The following CCDC13 variants were observed in gnomAD, a reference collection of about 807,000 sequenced individuals.
The protein encoded by CCDC13 is coiled-coil domain containing 13.
CCDC13 carries 70 observed loss-of-function variants against 87.3 expected under a neutral mutation model. The ratio of observed to expected loss-of-function variants is 0.80; its 90% confidence interval spans 0.66 to 0.98. CCDC13 has a LOEUF of 0.98. Among genes scored for constraint, CCDC13 ranks in the 50% least tolerant of loss-of-function variants. CCDC13 has a pLI of 0.00. For missense variants in CCDC13, 842 were observed against 892.0 expected (o/e 0.94, Z 0.71); for synonymous variants, 317 against 360.3 (o/e 0.88, Z 1.36).
chr3:42,728,277 G>A (rs1320813272), intron 13 of CCDC13, among the ~76,000 whole-genome samples: 5 of 152,134 alleles, frequency 3.3e-5, no homozygotes, highest in African/African-American at 1.2e-4. Flanking sequence ...AGAGCACCCT[G>A]GGATGCTGGG....
intron 13 of CCDC13, among the ~76,000 whole-genome samples, chr3:42,723,941 C>T (rs1051740156): frequency 2.6e-5 from 4 of 152,024 alleles, no homozygotes; most frequent in Non-Finnish European, 5.9e-5. Context: ...ACTATATGAT[C>T]TAATTAAAAA....
chr3:42,721,018 G>C (rs544487213), intron 13 of CCDC13, among the ~76,000 whole-genome samples: 1 of 152,056 alleles, frequency 6.6e-6, no homozygotes, highest in African/African-American at 2.4e-5. Context: ...TGGCTTATCG[G>C]GTATAAAAAT....
intron 9 of CCDC13, among the ~76,000 whole-genome samples, chr3:42,738,213 A>G (rs1170782833): frequency 1.3e-5 from 2 of 150,444 alleles, no homozygotes. Flanking sequence ...CAAAGATCAG[A>G]TGGTTGTAGA....
intron 14 of CCDC13, among the ~76,000 whole-genome samples, chr3:42,711,054 C>T (rs1177910398): frequency 2.6e-5 from 4 of 151,510 alleles, no homozygotes; most frequent in East Asian, 1.9e-4. Flanking sequence ...AAGACCAGCC[C>T]GGCCAACATG....
chr3:42,748,495 G>T (rs58188983), intron 5 of CCDC13, among the ~76,000 whole-genome samples: 5,770 of 152,302 alleles, frequency 0.038, 297 homozygotes, highest in East Asian at 0.18. Context: ...AGCAGGGCTG[G>T]TACTACAGTG....
intron 14 of CCDC13, 131 bp downstream of exon 14, chr3:42,713,031 A>G: frequency 2.9e-6 from 3 of 1,044,650 alleles, no homozygotes; most frequent in Non-Finnish European, 4.1e-6. Flanking sequence ...AGGCAGGCAG[A>G]GCTCCACCCT....
intron 7 of CCDC13, among the ~76,000 whole-genome samples, chr3:42,743,987 C>T (rs540787710): frequency 1.1e-4 from 16 of 152,128 alleles, no homozygotes; most frequent in Non-Finnish European, 2.2e-4. Flanking sequence ...CACTGCCCTG[C>T]GTAACACTGT....
At chr3:42,747,903 G>C (rs1559654844) in intron 5 of CCDC13, among the ~76,000 whole-genome samples, 1 of 152,214 alleles carries the variant, frequency 6.6e-6, no homozygotes, top group Non-Finnish European at 1.5e-5. Context: ...GCCTCTCCCA[G>C]AATCGTCAGC....
chr3:42,742,640 G>A (rs545358533), intron 8 of CCDC13, among the ~76,000 whole-genome samples: 1 of 152,188 alleles, frequency 6.6e-6, no homozygotes, highest in Non-Finnish European at 1.5e-5. Context: ...AGAATTTCAG[G>A]TATAGCACCT....
intron 7 of CCDC13, among the ~76,000 whole-genome samples, chr3:42,743,716 T>C (rs996732569): frequency 1.1e-4 from 17 of 151,056 alleles, no homozygotes; most frequent in African/African-American, 4.2e-4. Flanking sequence ...CCCAGGCTGG[T>C]CTTGAACTTG....
intron 12 of CCDC13, among the ~76,000 whole-genome samples, chr3:42,731,864 TAGTA>T (rs1186124393): frequency 6.6e-6 from 1 of 152,162 alleles, no homozygotes; most frequent in Non-Finnish European, 1.5e-5. Context: ...TGGTCGAGTT[TAGTA>T]AGTATTTGTG....
rs766041353 is a variant in CCDC13 at position 42,758,218 on chromosome 3, C to G, written c.128G>C (p.Arg43Thr). ...CAAGGGCTCCTCTTGGTCGTCAGCT[C>G]TGCTTTTGAGGCTCAGTTCTTTTTC... ...KREKELSLKS[R>T]ADDQEEPLEV... Residue 43 changes from arginine (R) to threonine (T), a missense_variant, in exon 2 of 16, where the codon AGA becomes ACA. Physicochemically the swap from Arg to Thr is moderately conservative, Grantham distance 71 (BLOSUM62 -1). Coordinates refer to ENST00000310232, the MANE Select transcript of CCDC13 (RefSeq NM_144719.4). The G allele has an allele frequency of 1.2e-6, 2 of 1,614,096 alleles. No homozygotes were observed. Among genetic ancestry groups the G allele is most frequent in the East Asian group, 4.5e-5 (2 of 44,874 alleles).
At chr3:42,709,607 G>A in intron 15 of CCDC13, 77 bp downstream of exon 15, 1 of 1,167,546 alleles carries the variant, frequency 8.6e-7, no homozygotes, top group Non-Finnish European at 1.3e-6. Context: ...CAAGGGGAGG[G>A]ACACAGTCCC....
chr3:42,752,792 C>G, intron 3 of CCDC13, 75 bp from the exon 4 acceptor site: 4 of 1,555,022 alleles, frequency 2.6e-6, no homozygotes, highest in Non-Finnish European at 3.5e-6. Flanking sequence ...CCACTAACAG[C>G]ACCAGGGTCT....
At chr3:42,763,854 C>T (rs1699882562) in intron 1 of CCDC13, among the ~76,000 whole-genome samples, 1 of 152,208 alleles carries the variant, frequency 6.6e-6, no homozygotes, top group Admixed American at 6.5e-5. Context: ...GCCTGTGACA[C>T]AGCCCTCAGG....
chr3:42,758,828 A>C (rs1033769989), intron 1 of CCDC13, among the ~76,000 whole-genome samples: 1 of 152,110 alleles, frequency 6.6e-6, no homozygotes, highest in Non-Finnish European at 1.5e-5. Context: ...CGGCTCAGTG[A>C]ATCTTTCCAT....
intron 4 of CCDC13, 140 bp downstream of exon 4, chr3:42,752,435 C>T: frequency 9.9e-7 from 1 of 1,013,154 alleles, no homozygotes; most frequent in Non-Finnish European, 1.4e-6. Flanking sequence ...AATGCAGCAC[C>T]ACCATATACT....
At chr3:42,761,412 C>A (rs148045002) in intron 1 of CCDC13, among the ~76,000 whole-genome samples, 149 of 152,318 alleles carry the variant, frequency 9.8e-4, no homozygotes, top group South Asian at 1.9e-3. Flanking sequence ...GCTCCCCATG[C>A]CCTTGCCCTG....
rs1006826448 is a variant in CCDC13, at chr3:42,772,484, C to T, written c.-7+692G>A. On this transcript the variant is annotated intron_variant, in intron 1 of 15. Coordinates refer to ENST00000310232, the MANE Select transcript of CCDC13 (RefSeq NM_144719.4). ...GGATTGAGACCCCTTGCCCCATCGGCCTGCCACTTTTTTCATTGTTTTTCT... is the reference window on the plus strand; with the variant it reads ...GGATTGAGACCCCTTGCCCCATCGGTCTGCCACTTTTTTCATTGTTTTTCT... Among the ~76,000 whole-genome samples, 7 of 152,150 alleles carry T rather than the reference C, an allele frequency of 4.6e-5. No individual in the cohort carries two copies. In the East Asian group the frequency reaches 1.4e-3, roughly 29 times the overall value.
Sources: allele counts gnomAD v4.1 joint callset (sites outside exome capture counted in the v4.1 genomes callset), GRCh38; gene constraint gnomAD v4.1.1; transcripts MANE v1.5; gene names NCBI Gene and HGNC (gene_info 2026-07-23, HGNC 2026-07-21).